Variants in PARP11 observed in about 807,000 individuals in gnomAD.
PARP11 encodes the protein poly(ADP-ribose) polymerase family member 11, also known as protein mono-ADP-ribosyltransferase PARP11.
In PARP11, 31 loss-of-function variants were observed where a neutral mutation model predicts 42.9. That is an observed-to-expected ratio of 0.72 (90% CI 0.54 to 0.98). The LOEUF (loss-of-function observed/expected upper bound fraction) is 0.98. PARP11 is among the 50% of genes least tolerant of loss of function. The probability of loss-of-function intolerance (pLI) is 0.00; values close to 1 mark genes in which losing one functional copy is unlikely to be tolerated. For synonymous variants in PARP11, 137 were observed against 127.3 expected (o/e 1.08, Z -0.51); for missense variants, 365 against 413.1 (o/e 0.88, Z 1.01).
chr12:3,855,407 C>CT (rs1948173589), intron 1 of PARP11, among the ~76,000 whole-genome samples: 1 of 152,200 alleles, frequency 6.6e-6, no homozygotes, highest in South Asian at 2.1e-4. Context: ...CCAAAATCTC[C>CT]TTAAGCTGAT....
In PARP11 at chr12:3,812,319, T is replaced by C. The variant is rs1406086391; in HGVS notation, c.821A>G (p.Tyr274Cys). The C allele has an allele frequency of 6.2e-7, 1 of 1,614,214 alleles. No individual in the cohort carries two copies. The highest frequency in any genetic ancestry group is 1.7e-5 in the Admixed American group (1 of 60,026). Residue 274 changes from tyrosine (Y) to cysteine (C), a missense_variant, in exon 8 of 8, where the codon TAT becomes TGT. Coordinates refer to ENST00000228820, the MANE Select transcript of PARP11 (RefSeq NM_020367.6). ...SLQQRHLFRT[Y>C]KSMFLARVLI... ...CACTCGAGCAAGAAACATAGATTTA[T>C]ATGTTCTAAACAGATGCCGCTGTTG...
At chr12:3,837,948 T>C (rs192703294) in intron 1 of PARP11, among the ~76,000 whole-genome samples, 1 of 151,098 alleles carries the variant, frequency 6.6e-6, no homozygotes, top group East Asian at 1.9e-4. Flanking sequence ...CTTAAGTATA[T>C]AAAACAAACA....
At chr12:3,863,503 G>A (rs1376454721) in intron 1 of PARP11, among the ~76,000 whole-genome samples, 2 of 152,086 alleles carry the variant, frequency 1.3e-5, no homozygotes, top group African/African-American at 4.8e-5. Context: ...TTTGTGTCAG[G>A]GGTCCCTAAG....
Position 3,840,783 on chromosome 12 carries a change from TG to T in PARP11, c.19-10766del, listed in dbSNP as rs1947870014. 1 of 1,566,532 alleles carries T rather than the reference TG, an allele frequency of 6.4e-7. No homozygotes were observed. Among genetic ancestry groups the T allele is most frequent in the Non-Finnish European group, 8.8e-7 (1 of 1,136,616 alleles). ...AACCAAGCATATTGGAGAATATTAC[TG>T]ATGATAAATATGCAACAGTTTCATC... is the stretch of plus-strand genomic sequence containing the variant. On this transcript the variant is annotated intron_variant, in intron 1 of 7. Transcript: ENST00000228820. This position sits in a 1 kb window ranked among gnomAD's most constrained non-coding sequence, Gnocchi z 4.4.
chr12:3,841,987 C>T (rs1034420468), intron 1 of PARP11: 35 of 1,610,596 alleles, frequency 2.2e-5, no homozygotes, highest in East Asian at 8.9e-5. Context: ...CCGGACAGAG[C>T]AATCTTCCCA....
At chr12:3,829,769 A>G in intron 2 of PARP11, 121 bp downstream of exon 2, 2 of 1,037,828 alleles carry the variant, frequency 1.9e-6, no homozygotes, top group Non-Finnish European at 2.8e-6. Flanking sequence ...TTTTAGTTAA[A>G]CAATTTTATT....
chr12:3,840,935 C>A lies in PARP11; in HGVS notation c.19-10917G>T, dbSNP rs1015445644. ...GAGGTACATCTAACTCCTGCAGTGC[C>A]TTCTTTACCAGCCACTGTGCCAGCC... On this transcript the variant is annotated intron_variant, in intron 1 of 7. Transcript: ENST00000228820. This position sits in a 1 kb window ranked among gnomAD's most constrained non-coding sequence, Gnocchi z 4.4. The A allele has an allele frequency of 1.2e-6, 2 of 1,607,020 alleles. No individual in the cohort carries two copies. The highest frequency in any genetic ancestry group is 2.7e-5 in the African/African-American group (2 of 74,922).
At chr12:3,824,784 T>C (rs2138033173) in intron 4 of PARP11, 1 of 169,526 alleles carries the variant, frequency 5.9e-6, no homozygotes, top group African/African-American at 2.4e-5. Context: ...TTATGTCTCA[T>C]TTTTCATTTT....
intron 1 of PARP11, chr12:3,841,528 G>A: frequency 6.3e-7 from 1 of 1,591,896 alleles, no homozygotes; most frequent in Non-Finnish European, 8.6e-7. Context: ...GCCAGTGATT[G>A]GACCGCCGAC....
chr12:3,853,187 A>C (rs1948128626), intron 1 of PARP11, among the ~76,000 whole-genome samples: 1 of 152,224 alleles, frequency 6.6e-6, no homozygotes, highest in African/African-American at 2.4e-5. Flanking sequence ...AACATGCCAA[A>C]CTGTAAAGAC....
At chr12:3,865,707 ATT>A (rs1300931218) in intron 1 of PARP11, among the ~76,000 whole-genome samples, 1 of 151,976 alleles carries the variant, frequency 6.6e-6, no homozygotes, top group Non-Finnish European at 1.5e-5. Context: ...ATCTTTCTCT[ATT>A]TAGTTTTATT....
chr12:3,810,525 G>C lies in PARP11; in HGVS notation c.*1598C>G, dbSNP rs1239562243. 1.3e-5 allele frequency: 2 copies of C among 151,094 alleles called. No individual in the cohort carries two copies. Among genetic ancestry groups the C allele is most frequent in the African/African-American group, 4.9e-5 (2 of 40,738 alleles). The allele number at this position is 151,094 out of a possible 1,614,324, so 9.4% of individuals were successfully genotyped here. A position where few individuals can be genotyped will look rare whatever the true frequency, so the allele number is the denominator to read the frequency against. ...GAATTGCTTGAACCCGGGAGGTGGA[G>C]GTTGCAGTGAGCCGAGATCACACCA... On this transcript the variant is annotated 3_prime_UTR_variant, in exon 8 of 8. Transcript: ENST00000228820.
chr12:3,829,841 T>C (rs979853496), intron 2 of PARP11, 49 bp downstream of exon 2: 4 of 1,593,596 alleles, frequency 2.5e-6, no homozygotes, highest in Middle Eastern at 1.7e-4. Context: ...AGCAAGGTGA[T>C]GCTAAGTGAA....
chr12:3,822,273 T>A, intron 4 of PARP11, 116 bp from the exon 5 acceptor site: 1 of 762,276 alleles, frequency 1.3e-6, no homozygotes, highest in Non-Finnish European at 2.2e-6. Flanking sequence ...CAAATGCAAT[T>A]AAATACAGCC....
intron 7 of PARP11, among the ~76,000 whole-genome samples, chr12:3,812,656 C>G (rs1231934295): frequency 6.6e-6 from 1 of 152,180 alleles, no homozygotes; most frequent in Non-Finnish European, 1.5e-5. Flanking sequence ...TTGGTACAGA[C>G]CAGTCCTCAC....
chr12:3,832,086 A>G lies in PARP11; in HGVS notation c.19-2068T>C, dbSNP rs183538045. On this transcript the variant is annotated intron_variant, in intron 1 of 7. Transcript: ENST00000228820. ...TCCCTTTATACAGCATACATATAACATGTGTGCTCCGCTATAAAACACCTT... is the reference window on the plus strand; with the variant it reads ...TCCCTTTATACAGCATACATATAACGTGTGTGCTCCGCTATAAAACACCTT... 5.0e-5 allele frequency: 45 copies of G among 902,354 alleles called. No individual in the cohort carries two copies. In the East Asian group the frequency reaches 3.4e-3, roughly 68 times the overall value. The allele number at this position is 902,354 out of a possible 1,614,324, so 55.9% of individuals were successfully genotyped here.
intron 1 of PARP11, among the ~76,000 whole-genome samples, chr12:3,845,439 CT>C (rs754199023): frequency 1.1e-4 from 17 of 152,206 alleles, no homozygotes; most frequent in South Asian, 4.1e-4. Flanking sequence ...GAACTGCAAA[CT>C]TGCTTATGAT....
In PARP11 at chr12:3,840,088, A is replaced by C; in HGVS notation, c.19-10070T>G. On this transcript the variant is annotated intron_variant, in intron 1 of 7. Coordinates refer to ENST00000228820, the MANE Select transcript of PARP11 (RefSeq NM_020367.6). This position sits in a 1 kb window ranked among gnomAD's most constrained non-coding sequence, Gnocchi z 4.4. ...AGTCTATAGAAATGTGGAATATGAA[A>C]TTTGGCTGGAGTCTAAACAAGCTCA... 1 of 1,609,362 alleles carries C rather than the reference A, an allele frequency of 6.2e-7. No homozygotes were observed. The highest frequency in any genetic ancestry group is 8.5e-7 in the Non-Finnish European group (1 of 1,175,614).
chr12:3,872,182 C>T (rs1948495769), intron 1 of PARP11, among the ~76,000 whole-genome samples: 1 of 152,136 alleles, frequency 6.6e-6, no homozygotes, highest in Non-Finnish European at 1.5e-5. Flanking sequence ...ACAAACAGAC[C>T]TTGCTGGGCT....
Sources: allele counts gnomAD v4.1 joint callset (sites outside exome capture counted in the v4.1 genomes callset), GRCh38; gene constraint gnomAD v4.1.1; non-coding constraint Gnocchi (gnomAD v3.1); transcripts MANE v1.5; gene names NCBI Gene and HGNC (gene_info 2026-07-23, HGNC 2026-07-21).